PLAGL1: variants seen among roughly 807,000 people sequenced by gnomAD.
PLAGL1 encodes the protein zinc finger protein PLAGL1.
Under a neutral mutation model 4.6 loss-of-function variants are expected in PLAGL1, and 1 was observed. The observed-to-expected ratio is 0.22, with a 90% confidence interval of 0.08 to 1.03. The LOEUF (loss-of-function observed/expected upper bound fraction) is 1.03, where lower values mean the gene tolerates loss of function less well. Ranked by LOEUF, PLAGL1 falls within the 50% of genes least tolerant of loss-of-function variation. The pLI is 0.58. For missense variants in PLAGL1, 464 were observed against 570.4 expected (o/e 0.81, Z 1.90); for synonymous variants, 240 against 237.8 (o/e 1.01, Z -0.08).
chr6:144,000,487 T>C lies in PLAGL1; in HGVS notation c.-584+7603A>G, dbSNP rs988216478. 6.6e-6 allele frequency among the ~76,000 whole-genome samples: 1 copy of C among 152,126 alleles called. No individual in the cohort carries two copies. The highest frequency in any genetic ancestry group is 6.5e-5 in the Admixed American group (1 of 15,280). ...ATAAATGTAACAAAATATGTACAAGTCCTTTATTTATATCATATCATTGAA... is the reference window on the plus strand; with the variant it reads ...ATAAATGTAACAAAATATGTACAAGCCCTTTATTTATATCATATCATTGAA... On this transcript the variant is annotated intron_variant, in intron 1 of 7. Transcript: ENST00000674357. This position sits in a 1 kb window ranked among gnomAD's most constrained non-coding sequence, Gnocchi z 4.1.
rs1237025818 is a variant in PLAGL1 at position 144,027,623 on chromosome 6, C to T, written c.-151+36845G>A. Among the ~76,000 whole-genome samples, 1 of 152,202 alleles carries T rather than the reference C, an allele frequency of 6.6e-6. No homozygotes were observed. Among genetic ancestry groups the T allele is most frequent in the Non-Finnish European group, 1.5e-5 (1 of 68,034 alleles). ...AAAGCACCACAGTCAAATTCTAAGA[C>T]TGTACAGTGCTTTGATTTACACAAA... is the stretch of plus-strand genomic sequence containing the variant. On this transcript the variant is annotated intron_variant, in intron 1 of 3. Coordinates refer to the PLAGL1 transcript ENST00000437412. The surrounding 1 kb of genome is among the most constrained non-coding windows in gnomAD (Gnocchi z 5.8).
At chr6:143,946,185 C>T (rs935355583) in intron 7 of PLAGL1, among the ~76,000 whole-genome samples, 2 of 152,242 alleles carry the variant, frequency 1.3e-5, no homozygotes, top group Non-Finnish European at 2.9e-5. Context: ...TACTTTCAAT[C>T]TGCATCTGGT....
rs1245664047 is a variant in PLAGL1 at position 144,000,342 on chromosome 6, A to G, written c.-584+7748T>C. On this transcript the variant is annotated intron_variant, in intron 1 of 7. Coordinates refer to ENST00000674357, the MANE Select transcript of PLAGL1 (RefSeq NM_001317162.2). The surrounding 1 kb of genome is among the most constrained non-coding windows in gnomAD (Gnocchi z 4.1). The stretch of plus-strand genomic sequence containing the variant: ...AAAAGAAAAAAATCATTTCTTGCAA[A>G]TTATGTATTTATGTAAATGGAAATA... 6.6e-6 allele frequency among the ~76,000 whole-genome samples: 1 copy of G among 152,156 alleles called. No homozygotes were observed. Among genetic ancestry groups the G allele is most frequent in the Non-Finnish European group, 1.5e-5 (1 of 67,992 alleles).
rs543639120 is a variant in PLAGL1 at position 144,004,943 on chromosome 6, T to A, written c.-584+3147A>T. 236 of 149,426 alleles carry A rather than the reference T, an allele frequency of 1.6e-3. 3 individuals are homozygous for A. The highest frequency in any genetic ancestry group is 5.3e-3 in the African/African-American group (217 of 41,064). The allele number at this position is 149,426 out of a possible 1,614,324, so 9.3% of individuals were successfully genotyped here. ...AGAGACAGGAGATTTTATTCATATA[T>A]ATATATACATTTATATAAATATATT... is the stretch of plus-strand genomic sequence containing the variant. On this transcript the variant is annotated intron_variant, in intron 1 of 7. Transcript: ENST00000674357. This position sits in a 1 kb window ranked among gnomAD's most constrained non-coding sequence, Gnocchi z 4.2.
chr6:144,043,842 C>T (rs1048626109), intron 1 of PLAGL1, among the ~76,000 whole-genome samples: 1 of 152,084 alleles, frequency 6.6e-6, no homozygotes, highest in Admixed American at 6.5e-5. Flanking sequence ...TTAATTATTG[C>T]CTCAATTTCA....
rs534960548 is a variant in PLAGL1, at chr6:143,958,832, G to T, written c.-325+1637C>A. On this transcript the variant is annotated intron_variant, in intron 6 of 7. Transcript: ENST00000674357. This position sits in a 1 kb window ranked among gnomAD's most constrained non-coding sequence, Gnocchi z 5.1. ...ACACTGGCTTTTCTGAAAGGGGAAA[G>T]GAATGTTAAGGAAATGGGGGAGAAA... 7.9e-5 allele frequency among the ~76,000 whole-genome samples: 12 copies of T among 152,328 alleles called. No homozygotes were observed. Among genetic ancestry groups the T allele is most frequent in the African/African-American group, 2.9e-4 (12 of 41,570 alleles).
chr6:144,057,766 A>G (rs1202568724), intron 1 of PLAGL1, among the ~76,000 whole-genome samples: 2 of 133,526 alleles, frequency 1.5e-5, no homozygotes, highest in African/African-American at 5.6e-5. Context: ...CCACACCACC[A>G]CGCCTCACCA....
rs2128669364 is a variant in PLAGL1, at chr6:144,004,771, A to G, written c.-584+3319T>C. 6.6e-6 allele frequency: 1 copy of G among 152,190 alleles called. No individual in the cohort carries two copies. The highest frequency in any genetic ancestry group is 2.1e-4 in the South Asian group (1 of 4,830). The allele number at this position is 152,190 out of a possible 1,614,324, so 9.4% of individuals were successfully genotyped here. On this transcript the variant is annotated intron_variant, in intron 1 of 7. Transcript: ENST00000674357. The surrounding 1 kb of genome is among the most constrained non-coding windows in gnomAD (Gnocchi z 4.2). The stretch of plus-strand genomic sequence containing the variant: ...AACATGGATAAAAAATATATTAAAT[A>G]CATTAAATCTACCTTAAAAGATGTG...
chr6:144,057,711 G>T (rs1700398064), intron 1 of PLAGL1, among the ~76,000 whole-genome samples: 1 of 151,542 alleles, frequency 6.6e-6, no homozygotes, highest in African/African-American at 2.4e-5. Flanking sequence ...TGTGCCCGAA[G>T]AGAAAAGGTT....
intron 1 of PLAGL1, among the ~76,000 whole-genome samples, chr6:144,021,519 G>T (rs1183922299): frequency 1.3e-5 from 2 of 152,102 alleles, no homozygotes; most frequent in Non-Finnish European, 2.9e-5. Flanking sequence ...TTTAATGATG[G>T]AATAACTACA....
chr6:144,043,758 G>A (rs968809220), intron 1 of PLAGL1, among the ~76,000 whole-genome samples: 1 of 152,142 alleles, frequency 6.6e-6, no homozygotes, highest in African/African-American at 2.4e-5. Flanking sequence ...AATGGTACCA[G>A]CTCCTCTTTG....
Position 143,948,763 on chromosome 6 carries a change from A to AC in PLAGL1, c.-324-304_-324-303insG, listed in dbSNP as rs1780346595. Among the ~76,000 whole-genome samples, 1 of 95,100 alleles carries AC rather than the reference A, an allele frequency of 1.1e-5. No individual in the cohort carries two copies. The highest frequency in any genetic ancestry group is 4.3e-5 in the African/African-American group (1 of 23,494). 62.4% of individuals were successfully genotyped at this position (95,100 alleles called of 152,430 possible). On this transcript the variant is annotated intron_variant, in intron 6 of 7. Transcript: ENST00000674357. This position sits in a 1 kb window ranked among gnomAD's most constrained non-coding sequence, Gnocchi z 6.0. ...TGTGAAGCTCCATTGACCAAAGAGA[A>AC]AAACAACAACAACAACAACAACAAC...
chr6:144,043,975 A>G (rs1171239809), intron 1 of PLAGL1, among the ~76,000 whole-genome samples: 1 of 152,182 alleles, frequency 6.6e-6, no homozygotes, highest in African/African-American at 2.4e-5. Context: ...AGAGGTGGTT[A>G]TAGTATTCTC....
rs1406908027 is a variant in PLAGL1 at position 143,990,139 on chromosome 6, T to G, written c.-583-4965A>C. 6.6e-6 allele frequency among the ~76,000 whole-genome samples: 1 copy of G among 152,148 alleles called. No homozygotes were observed. The highest frequency in any genetic ancestry group is 1.9e-4 in the East Asian group (1 of 5,196). On this transcript the variant is annotated intron_variant, in intron 1 of 7. Coordinates refer to ENST00000674357, the MANE Select transcript of PLAGL1 (RefSeq NM_001317162.2). This position sits in a 1 kb window ranked among gnomAD's most constrained non-coding sequence, Gnocchi z 5.4. ...CCCCAATTTTTTTTTTTTTCTTTTTTGAGATGGAGTCTCGCTCTGTTGCCA... is the reference window on the plus strand; with the variant it reads ...CCCCAATTTTTTTTTTTTTCTTTTTGGAGATGGAGTCTCGCTCTGTTGCCA...
chr6:144,056,891 G>C lies in PLAGL1; in HGVS notation c.-151+7577C>G, dbSNP rs530653323. 6.6e-6 allele frequency among the ~76,000 whole-genome samples: 1 copy of C among 152,072 alleles called. No individual in the cohort carries two copies. Among genetic ancestry groups the C allele is most frequent in the Middle Eastern group, 3.4e-3 (1 of 294 alleles). On this transcript the variant is annotated intron_variant, in intron 1 of 3. Coordinates refer to the PLAGL1 transcript ENST00000437412. This position sits in a 1 kb window ranked among gnomAD's most constrained non-coding sequence, Gnocchi z 4.7. ...GCCCAGGCTGCTCTCAAACTCCCAG[G>C]CTCAAGCAATCCTCCTGCCTCAGCC...
At chr6:143,956,711 G>A (rs1782225497) in intron 6 of PLAGL1, among the ~76,000 whole-genome samples, 1 of 152,210 alleles carries the variant, frequency 6.6e-6, no homozygotes, top group Non-Finnish European at 1.5e-5. Flanking sequence ...GATGGAGTGA[G>A]GTGGTAGAGG....
In PLAGL1 at chr6:144,053,113, C is replaced by T. The variant is rs1583895420; in HGVS notation, c.-151+11355G>A. 6.6e-6 allele frequency among the ~76,000 whole-genome samples: 1 copy of T among 152,130 alleles called. No individual in the cohort carries two copies. The highest frequency in any genetic ancestry group is 2.1e-4 in the South Asian group (1 of 4,830). On this transcript the variant is annotated intron_variant, in intron 1 of 3. Coordinates refer to the PLAGL1 transcript ENST00000437412. The surrounding 1 kb of genome is among the most constrained non-coding windows in gnomAD (Gnocchi z 4.0). The stretch of plus-strand genomic sequence containing the variant: ...CATATTGGGTCATCCTTATCAGCTA[C>T]AACCACACATTGCCAAAATCAATCA...
chr6:144,028,826 T>C (rs1293900359), intron 1 of PLAGL1, among the ~76,000 whole-genome samples: 3 of 152,344 alleles, frequency 2.0e-5, no homozygotes, highest in Non-Finnish European at 4.4e-5. Context: ...TGTATTTTTT[T>C]CTTATTATAA....
At chr6:144,019,713 G>T (rs568103568) in intron 1 of PLAGL1, among the ~76,000 whole-genome samples, 8 of 151,698 alleles carry the variant, frequency 5.3e-5, no homozygotes, top group African/African-American at 1.7e-4. Flanking sequence ...GAATCTAAGT[G>T]GGGGGGTAGG....
Sources: gnomAD v4.1 joint callset for allele counts (sites outside exome capture counted in the v4.1 genomes callset) on GRCh38, gnomAD v4.1.1 for gene constraint, Gnocchi (gnomAD v3.1) non-coding constraint, MANE v1.5 for transcripts, NCBI Gene and HGNC (gene_info 2026-07-23, HGNC 2026-07-21) for gene names.